The following AP3D1 variants were observed in gnomAD, a reference collection of about 807,000 sequenced individuals.
AP3D1 encodes adaptor related protein complex 3 subunit delta 1, also known as AP-3 complex subunit delta-1.
In AP3D1, 51 loss-of-function variants were observed where a neutral mutation model predicts 147.6. The ratio of observed to expected loss-of-function variants is 0.35; its 90% confidence interval spans 0.28 to 0.44. AP3D1 has a LOEUF of 0.44. AP3D1 is among the 20% of genes least tolerant of loss of function. AP3D1 has a pLI of 1.00. For synonymous variants in AP3D1, 760 were observed against 663.0 expected (o/e 1.15, Z -2.25); for missense variants, 1,421 against 1,624.2 (o/e 0.87, Z 2.15).
At position 2,129,354 on chromosome 19, in the gene AP3D1, G is replaced by A. The variant is rs1300449832; in HGVS notation, c.696C>T (p.Ser232=). The A allele has an allele frequency of 7.4e-6, 12 of 1,613,972 alleles. No individual in the cohort carries two copies. Among genetic ancestry groups the A allele is most frequent in the Non-Finnish European group, 1.0e-5 (12 of 1,180,014 alleles). Residue 232 remains serine, a synonymous_variant, in exon 7 of 32, where the codon TCC becomes TCT. Coordinates refer to ENST00000643116, the MANE Select transcript of AP3D1 (RefSeq NM_001261826.3). ...TCTTGATGAGGACCCAGTTGTTGGTGGAGGACGTCATCAGCTTGAAAAAGA... is the reference window on the plus strand; with the variant it reads ...TCTTGATGAGGACCCAGTTGTTGGTAGAGGACGTCATCAGCTTGAAAAAGA... ...APLFFKLMTS[S]TNNWVLIKII...
chr19:2,160,390 G>T (rs1173610782), intron 1 of AP3D1, among the ~76,000 whole-genome samples: 1 of 152,142 alleles, frequency 6.6e-6, no homozygotes, highest in Non-Finnish European at 1.5e-5. Flanking sequence ...TCAGCCGGGA[G>T]TGGTGGCGCA....
chr19:2,112,137 T>C (rs1270516281), intron 24 of AP3D1: 1 of 438,192 alleles, frequency 2.3e-6, no homozygotes, highest in Non-Finnish European at 4.2e-6. Flanking sequence ...CCCACGCCCA[T>C]GTGCACATCC....
intron 1 of AP3D1, among the ~76,000 whole-genome samples, chr19:2,158,664 G>A (rs923560804): frequency 1.3e-4 from 20 of 150,770 alleles, no homozygotes; most frequent in Admixed American, 2.7e-4. Flanking sequence ...GGAGTGCAAC[G>A]GCGCAATCCG....
chr19:2,139,342 A>G (rs1244624246), intron 1 of AP3D1, among the ~76,000 whole-genome samples: 1 of 152,106 alleles, frequency 6.6e-6, no homozygotes, highest in Non-Finnish European at 1.5e-5. Context: ...TCCCACCTTC[A>G]GCCAGGGTGA....
chr19:2,144,149 G>C (rs2019297141), intron 1 of AP3D1, among the ~76,000 whole-genome samples: 1 of 151,708 alleles, frequency 6.6e-6, no homozygotes, highest in South Asian at 2.1e-4. Context: ...GGACGCGCCG[G>C]CGAAGTGGTC....
At chr19:2,161,221 G>T (rs2019694971) in intron 1 of AP3D1, among the ~76,000 whole-genome samples, 1 of 150,192 alleles carries the variant, frequency 6.7e-6, no homozygotes, top group Admixed American at 6.7e-5. Flanking sequence ...GAGTGCAGTG[G>T]CACAATCTCT....
intron 17 of AP3D1, 138 bp downstream of exon 17, chr19:2,116,467 G>T: frequency 7.8e-7 from 1 of 1,280,398 alleles, no homozygotes; most frequent in Non-Finnish European, 1.1e-6. Flanking sequence ...AATCGCTAAC[G>T]CTCTGGGAGG....
chr19:2,105,350 G>C (rs991494202), intron 31 of AP3D1, among the ~76,000 whole-genome samples: 1 of 152,230 alleles, frequency 6.6e-6, no homozygotes, highest in Non-Finnish European at 1.5e-5. Context: ...GTTGTGGGTT[G>C]ATGGGAATGA....
chr19:2,113,368 G>A lies in AP3D1; in HGVS notation c.2647C>T (p.Pro883Ser), dbSNP rs12974832. 1.9e-5 allele frequency: 27 copies of A among 1,425,164 alleles called. No individual in the cohort carries two copies. The Admixed American group carries it at 6.8e-4, about 36-fold the overall frequency. The allele number at this position is 1,425,164 out of a possible 1,614,324, so 88.3% of individuals were successfully genotyped here. Residue 883 changes from proline to serine, a missense_variant, in exon 23 of 32, where the codon CCC becomes TCC. This residue lies in a region of AP3D1 where 791 missense variants were observed against 761.4 expected (regional missense o/e 1.04). Transcript: ENST00000643116. ...FWLSTTPPPA[P>S]APAPAPVPST... ...GGAACGGGGGCGGGGGCGGGGGCGG[G>A]GGCAGGCGGTGGGGTGGTAGACAGC...
chr19:2,116,915 G>A (rs10439148), intron 16 of AP3D1, 169 bp from the exon 17 acceptor site: 41 of 986,994 alleles, frequency 4.2e-5, no homozygotes, highest in Middle Eastern at 6.6e-4. Context: ...TTAAGAGGAC[G>A]CAGGGACCCA....
rs1302230598 is a variant in AP3D1, at chr19:2,113,979, C to G, written c.2601+146G>C. The G allele has an allele frequency of 1.8e-5, 25 of 1,400,808 alleles. No individual in the cohort carries two copies. In the East Asian group the frequency reaches 5.8e-4, roughly 32 times the overall value. The allele number at this position is 1,400,808 out of a possible 1,614,324, so 86.8% of individuals were successfully genotyped here. On this transcript the variant is annotated intron_variant, in intron 22 of 31. Transcript: ENST00000643116. ...TCCCCTCAGAAGCCACATGTCCTCA[C>G]TCCGCCGGGGCACAGGGCGAGGCGG...
intron 23 of AP3D1, 134 bp from the exon 24 acceptor site, chr19:2,113,101 T>A: frequency 1.5e-6 from 1 of 670,944 alleles, no homozygotes. Context: ...GCCCTCCGAG[T>A]GACAGGGAGC....
At chr19:2,138,583 G>A (rs371219031) in intron 2 of AP3D1, 36 bp downstream of exon 2, 26 of 1,522,288 alleles carry the variant, frequency 1.7e-5, no homozygotes, top group African/African-American at 6.8e-5. Flanking sequence ...GAAGCAGCCC[G>A]ACAGTGCTGG....
intron 3 of AP3D1, 61 bp downstream of exon 3, chr19:2,137,665 CA>C (rs2019112682): frequency 1.4e-6 from 2 of 1,417,348 alleles, no homozygotes; most frequent in Non-Finnish European, 2.0e-6. Context: ...ATTGGCCAGT[CA>C]CGGTGCCTCA....
intron 1 of AP3D1, among the ~76,000 whole-genome samples, chr19:2,157,429 G>A (rs1308854997): frequency 6.4e-5 from 7 of 108,896 alleles, no homozygotes; most frequent in African/African-American, 1.2e-4. Context: ...GCGACAGAGC[G>A]AGACTCCGTC....
At chr19:2,161,109 G>C (rs1451472662) in intron 1 of AP3D1, among the ~76,000 whole-genome samples, 1 of 151,772 alleles carries the variant, frequency 6.6e-6, no homozygotes, top group African/African-American at 2.4e-5. Flanking sequence ...AGGACCCCCA[G>C]GGTCCTCCTG....
intron 25 of AP3D1, 31 bp downstream of exon 25, chr19:2,111,648 C>T (rs757218055): frequency 5.1e-6 from 8 of 1,557,398 alleles, no homozygotes; most frequent in Middle Eastern, 2.2e-4. Flanking sequence ...GGAACCCCGG[C>T]GTGGGGCGGG....
At chr19:2,143,012 C>A (rs537680701) in intron 1 of AP3D1, among the ~76,000 whole-genome samples, 248 of 152,030 alleles carry the variant, frequency 1.6e-3, no homozygotes, top group African/African-American at 5.6e-3. Flanking sequence ...GATCTGCCCA[C>A]CTCGGCCTCC....
At chr19:2,123,695 G>T (rs1343651456) in intron 10 of AP3D1, 135 bp downstream of exon 10, 2 of 1,095,546 alleles carry the variant, frequency 1.8e-6, no homozygotes, top group Non-Finnish European at 2.7e-6. Flanking sequence ...ACAGGACGCG[G>T]CTGTGCCCTC....
Sources: allele counts gnomAD v4.1 joint callset (sites outside exome capture counted in the v4.1 genomes callset), GRCh38; gene constraint gnomAD v4.1.1; regional missense constraint gnomAD v4.1.1; transcripts MANE v1.5; gene names NCBI Gene and HGNC (gene_info 2026-07-23, HGNC 2026-07-21).